NTM: variants seen among roughly 807,000 people sequenced by gnomAD.
The protein encoded by NTM is IgLON family member 2.
NTM carries 13 observed loss-of-function variants against 42.1 expected under a neutral mutation model. That is an observed-to-expected ratio of 0.31 (90% CI 0.20 to 0.49). The LOEUF (loss-of-function observed/expected upper bound fraction) is 0.49, where lower values mean the gene tolerates loss of function less well. Ranked by LOEUF, NTM falls within the 20% of genes least tolerant of loss-of-function variation. The pLI is 0.99. For synonymous variants in NTM, 187 were observed against 179.2 expected, an observed-to-expected ratio of 1.04 and a Z score of -0.35; for missense variants, 373 against 452.8, an observed-to-expected ratio of 0.82 and a Z score of 1.60.
intron 1 of NTM, among the ~76,000 whole-genome samples, chr11:131,704,562 A>G (rs1255999225): frequency 6.6e-6 from 1 of 152,254 alleles, no homozygotes; most frequent in Non-Finnish European, 1.5e-5. Flanking sequence ...GTGCAAAGCC[A>G]CAAGGATCAC....
In NTM at chr11:132,335,981, G is replaced by A. The variant is rs752353151; in HGVS notation, c.*835G>A. 2.0e-5 allele frequency: 3 copies of A among 152,524 alleles called. No individual in the cohort carries two copies. Among genetic ancestry groups the A allele is most frequent in the Non-Finnish European group, 2.9e-5 (2 of 68,016 alleles). The allele number at this position is 152,524 out of a possible 1,614,324, so 9.4% of individuals were successfully genotyped here. On this transcript the variant is annotated 3_prime_UTR_variant, in exon 9 of 9. Coordinates refer to ENST00000683400, the MANE Select transcript of NTM (RefSeq NM_001352005.2). Reference sequence around the variant, plus strand: ...CACCAGGCACTAATCACCTGGTGAGGATTTGGCATATCCACCAAAAAATGC... The same window carrying A: ...CACCAGGCACTAATCACCTGGTGAGAATTTGGCATATCCACCAAAAAATGC...
chr11:131,654,319 G>A (rs772800435), intron 1 of NTM, among the ~76,000 whole-genome samples: 7 of 152,138 alleles, frequency 4.6e-5, no homozygotes, highest in Non-Finnish European at 7.4e-5. Flanking sequence ...CACCCCCACC[G>A]CCAAAGGCAG....
At chr11:132,229,502 T>C (rs1173369081) in intron 4 of NTM, among the ~76,000 whole-genome samples, 1 of 152,254 alleles carries the variant, frequency 6.6e-6, no homozygotes, top group African/African-American at 2.4e-5. Flanking sequence ...TTATATTTTT[T>C]ACTACTTTTA....
Position 131,593,915 on chromosome 11 carries a change from TGTG to T in NTM, c.82+223031_82+223033del, listed in dbSNP as rs142269714. On this transcript the variant is annotated intron_variant, in intron 1 of 8. Transcript: ENST00000683400. ...CCTGTATTTCATTTTATTTCCCCCTTGTGGTGCCTGCATGGTGCCCAGTGGATC... is the reference window on the plus strand; with the variant it reads ...CCTGTATTTCATTTTATTTCCCCCTTGTGCCTGCATGGTGCCCAGTGGATC... Among the ~76,000 whole-genome samples the T allele has an allele frequency of 2.0e-3, 307 of 152,322 alleles. 2 individuals are homozygous for T. The highest frequency in any genetic ancestry group is 7.2e-3 in the African/African-American group (301 of 41,566).
chr11:131,809,071 G>A (rs1427554666), intron 1 of NTM, among the ~76,000 whole-genome samples: 2 of 152,214 alleles, frequency 1.3e-5, no homozygotes, highest in South Asian at 2.1e-4. Context: ...ATTAGCATTA[G>A]CATTAGCATA....
chr11:131,559,120 C>G (rs1161345133), intron 1 of NTM, among the ~76,000 whole-genome samples: 1 of 152,134 alleles, frequency 6.6e-6, no homozygotes, highest in Non-Finnish European at 1.5e-5. Flanking sequence ...AAAGAACAAG[C>G]AGGAGGAAGT....
At chr11:131,378,374 T>G (rs549451509) in intron 1 of NTM, among the ~76,000 whole-genome samples, 1 of 152,324 alleles carries the variant, frequency 6.6e-6, no homozygotes, top group African/African-American at 2.4e-5. Context: ...TGAGTATAGT[T>G]ATTGATAGGT....
Position 132,088,079 on chromosome 11 carries a change from G to A in NTM, c.168-58203G>A, listed in dbSNP as rs186832949. On this transcript the variant is annotated intron_variant, in intron 2 of 8. Coordinates refer to ENST00000683400, the MANE Select transcript of NTM (RefSeq NM_001352005.2). ...TGGGGCAGGGAGCCACCACTCACCCGTATATCCCACATGCACACCTGTGGC... is the reference window on the plus strand; with the variant it reads ...TGGGGCAGGGAGCCACCACTCACCCATATATCCCACATGCACACCTGTGGC... Among the ~76,000 whole-genome samples the A allele has an allele frequency of 7.2e-4, 109 of 152,302 alleles. 2 individuals carry two copies. The highest frequency in any genetic ancestry group is 2.4e-3 in the African/African-American group (100 of 41,572).
At chr11:131,715,240 C>G (rs1375600346) in intron 1 of NTM, among the ~76,000 whole-genome samples, 2 of 152,188 alleles carry the variant, frequency 1.3e-5, no homozygotes, top group Non-Finnish European at 2.9e-5. Context: ...ATAGAAGGAG[C>G]TACAGAATTA....
At chr11:131,786,742 G>T (rs1565545353) in intron 1 of NTM, among the ~76,000 whole-genome samples, 1 of 152,146 alleles carries the variant, frequency 6.6e-6, no homozygotes, top group Admixed American at 6.5e-5. Flanking sequence ...TAAATTAGAG[G>T]TTGTACCTGC....
chr11:132,232,894 G>A (rs907717216), intron 4 of NTM, among the ~76,000 whole-genome samples: 7 of 152,184 alleles, frequency 4.6e-5, no homozygotes, highest in South Asian at 2.1e-4. Flanking sequence ...GTTTATGACC[G>A]TTGTTATAAC....
chr11:132,316,205 C>G (rs762841351), intron 7 of NTM, among the ~76,000 whole-genome samples: 1 of 151,888 alleles, frequency 6.6e-6, no homozygotes, highest in African/African-American at 2.4e-5. Context: ...TATACTTCCC[C>G]GGCTTCTTCT....
chr11:132,335,182 G>GCCACCA lies in NTM; in HGVS notation c.*46_*51dup, dbSNP rs752504731. On this transcript the variant is annotated 3_prime_UTR_variant, in exon 9 of 9. Transcript: ENST00000683400. ...ACTTCCCCACCCGGGAAAGGCTGCC[G>GCCACCA]CCACCACCACCACCAACACAACAGC... 2.6e-5 allele frequency: 41 copies of GCCACCA among 1,606,962 alleles called. No individual in the cohort carries two copies. Among genetic ancestry groups the GCCACCA allele is most frequent in the Non-Finnish European group, 3.0e-5 (35 of 1,178,224 alleles).
chr11:131,895,690 A>ATGTG (rs541558157), intron 1 of NTM, among the ~76,000 whole-genome samples: 6 of 151,890 alleles, frequency 4.0e-5, no homozygotes, highest in East Asian at 1.9e-4. Context: ...ATACATATAT[A>ATGTG]TGTGTGTGTG....
chr11:131,818,364 A>C (rs1269145192), intron 1 of NTM, among the ~76,000 whole-genome samples: 2 of 152,202 alleles, frequency 1.3e-5, no homozygotes, highest in Non-Finnish European at 2.9e-5. Flanking sequence ...ACCTAGTGAC[A>C]TAGACTAAAA....
intron 1 of NTM, among the ~76,000 whole-genome samples, chr11:131,552,504 C>CAAA (rs36101549): frequency 8.2e-5 from 6 of 73,126 alleles, no homozygotes; most frequent in African/African-American, 1.8e-4. Flanking sequence ...GACTCCGTCT[C>CAAA]AAAAAAAAAA....
At chr11:131,830,404 A>G (rs115956241) in intron 1 of NTM, among the ~76,000 whole-genome samples, 2,637 of 152,252 alleles carry the variant, frequency 0.017, 70 homozygotes, top group African/African-American at 0.06. Context: ...AGCTATTCCA[A>G]CATGATTTAT....
At chr11:131,990,097 T>C (rs1233598788) in intron 2 of NTM, among the ~76,000 whole-genome samples, 2 of 152,156 alleles carry the variant, frequency 1.3e-5, no homozygotes, top group African/African-American at 4.8e-5. Context: ...AAGCAACCTG[T>C]ACATTTGGCA....
intron 2 of NTM, among the ~76,000 whole-genome samples, chr11:132,063,937 A>G (rs777794211): frequency 2.6e-5 from 4 of 152,196 alleles, no homozygotes; most frequent in Non-Finnish European, 5.9e-5. Context: ...AAACACACTT[A>G]ACATGACCCA....
Sources: allele counts gnomAD v4.1 joint callset (sites outside exome capture counted in the v4.1 genomes callset), GRCh38; gene constraint gnomAD v4.1.1; transcripts MANE v1.5; gene names NCBI Gene and HGNC (gene_info 2026-07-23, HGNC 2026-07-21).